The following CACNA2D3 variants were observed in gnomAD, a reference collection of about 807,000 sequenced individuals.
CACNA2D3 encodes voltage-dependent calcium channel subunit alpha-2/delta-3.
In CACNA2D3, 60 loss-of-function variants were observed where a neutral mutation model predicts 160.6. The observed-to-expected ratio is 0.37, with a 90% CI of 0.30 to 0.46. The LOEUF (loss-of-function observed/expected upper bound fraction) is 0.46. Ranked by LOEUF, CACNA2D3 falls within the 20% of genes least tolerant of loss-of-function variation. The pLI is 1.00. For synonymous variants in CACNA2D3, 558 were observed against 492.9 expected (o/e 1.13, Z -1.75); for missense variants, 1,205 against 1,365.0 (o/e 0.88, Z 1.85).
intron 3 of CACNA2D3, among the ~76,000 whole-genome samples, chr3:54,322,254 G>T (rs1399149273): frequency 1.3e-5 from 2 of 152,222 alleles, no homozygotes; most frequent in African/African-American, 2.4e-5. Context: ...CCGAATCTCA[G>T]TTCTGCCCCA....
At chr3:54,540,517 G>T (rs983393541) in intron 5 of CACNA2D3, among the ~76,000 whole-genome samples, 1 of 152,040 alleles carries the variant, frequency 6.6e-6, no homozygotes, top group Non-Finnish European at 1.5e-5. Context: ...GTGGGAAATC[G>T]TCAGACAGGA....
intron 2 of CACNA2D3, among the ~76,000 whole-genome samples, chr3:54,265,616 A>G (rs574407725): frequency 9.8e-5 from 14 of 143,158 alleles, no homozygotes; most frequent in African/African-American, 1.9e-4. Context: ...TATAGTGTGT[A>G]TATATATATA....
At position 54,449,077 on chromosome 3, in the gene CACNA2D3, G is replaced by A. The variant is rs113057632; in HGVS notation, c.382-54415G>A. Among the ~76,000 whole-genome samples, 656 of 152,242 alleles carry A rather than the reference G, an allele frequency of 4.3e-3. 1 individual carries two copies. The highest frequency in any genetic ancestry group is 0.015 in the African/African-American group (619 of 41,546). On this transcript the variant is annotated intron_variant, in intron 4 of 37. Coordinates refer to ENST00000474759, the MANE Select transcript of CACNA2D3 (RefSeq NM_018398.3). ...CAAACTACTTTTTAATGTCATCATTGAACTGTAGTTTTGAATCTCCAGTTC... is the reference window on the plus strand; with the variant it reads ...CAAACTACTTTTTAATGTCATCATTAAACTGTAGTTTTGAATCTCCAGTTC...
chr3:54,406,741 G>A (rs1281033267), intron 4 of CACNA2D3, among the ~76,000 whole-genome samples: 2 of 152,032 alleles, frequency 1.3e-5, no homozygotes, highest in Non-Finnish European at 2.9e-5. Context: ...TTGATCTAAT[G>A]TGCAACATGA....
intron 13 of CACNA2D3, among the ~76,000 whole-genome samples, chr3:54,790,864 G>T (rs1425750869): frequency 6.6e-6 from 1 of 152,090 alleles, no homozygotes; most frequent in Non-Finnish European, 1.5e-5. Flanking sequence ...CTATTGCTAG[G>T]CAGTGTCAGT....
intron 2 of CACNA2D3, among the ~76,000 whole-genome samples, chr3:54,143,751 GGCCTCCCAAAGT>G (rs1315997006): frequency 4.6e-5 from 7 of 152,022 alleles, no homozygotes; most frequent in African/African-American, 1.4e-4. Context: ...CACCTGCCTC[GGCCTCCCAAAGT>G]GCTGGAATTA....
chr3:55,004,887 C>A, intron 32 of CACNA2D3, 49 bp downstream of exon 32: 2 of 1,305,584 alleles, frequency 1.5e-6, no homozygotes, highest in Non-Finnish European at 2.2e-6. Context: ...TTCTGTCTTT[C>A]TCCCTGTCTG....
intron 5 of CACNA2D3, among the ~76,000 whole-genome samples, chr3:54,514,146 G>A (rs563223242): frequency 6.6e-6 from 1 of 152,304 alleles, no homozygotes; most frequent in East Asian, 1.9e-4. Flanking sequence ...TTGCAGCAAA[G>A]AGTCGTTTTA....
intron 5 of CACNA2D3, among the ~76,000 whole-genome samples, chr3:54,523,176 A>T (rs1302994379): frequency 6.6e-6 from 1 of 152,106 alleles, no homozygotes; most frequent in African/African-American, 2.4e-5. Flanking sequence ...TATTATTACT[A>T]TTTTGGAGAT....
At chr3:54,826,222 C>G (rs962712463) in intron 14 of CACNA2D3, among the ~76,000 whole-genome samples, 3 of 152,004 alleles carry the variant, frequency 2.0e-5, no homozygotes, top group African/African-American at 7.3e-5. Context: ...GATATATATC[C>G]ATTACAAACC....
chr3:54,941,606 T>G (rs939748890), intron 27 of CACNA2D3, among the ~76,000 whole-genome samples: 1 of 152,230 alleles, frequency 6.6e-6, no homozygotes, highest in African/African-American at 2.4e-5. Context: ...ATGCCCCATA[T>G]TGTTTTCATT....
chr3:54,739,615 C>T (rs893797057), intron 11 of CACNA2D3, among the ~76,000 whole-genome samples: 1 of 152,008 alleles, frequency 6.6e-6, no homozygotes, highest in Non-Finnish European at 1.5e-5. Flanking sequence ...TTTGCATTTA[C>T]ATGATCCTCC....
chr3:54,124,693 T>A (rs1699552212), intron 2 of CACNA2D3, among the ~76,000 whole-genome samples: 1 of 152,224 alleles, frequency 6.6e-6, no homozygotes, highest in African/African-American at 2.4e-5. Flanking sequence ...CCAAATATCG[T>A]AATAAAGCGT....
intron 13 of CACNA2D3, among the ~76,000 whole-genome samples, chr3:54,770,186 AATG>A (rs1702293990): frequency 6.6e-6 from 1 of 152,182 alleles, no homozygotes; most frequent in Admixed American, 6.5e-5. Context: ...CTATAAAGAG[AATG>A]ATGTCTTCTG....
intron 11 of CACNA2D3, among the ~76,000 whole-genome samples, chr3:54,735,956 A>G (rs1701490117): frequency 1.4e-5 from 2 of 141,812 alleles, no homozygotes; most frequent in South Asian, 2.2e-4. Flanking sequence ...TTTTGCATAT[A>G]TCTTTGCATT....
intron 11 of CACNA2D3, among the ~76,000 whole-genome samples, chr3:54,644,588 G>A (rs1386701748): frequency 6.6e-6 from 1 of 152,180 alleles, no homozygotes; most frequent in Non-Finnish European, 1.5e-5. Flanking sequence ...GTGCCATGTT[G>A]TAATTGACAA....
intron 3 of CACNA2D3, among the ~76,000 whole-genome samples, chr3:54,343,791 G>A (rs953460266): frequency 1.3e-4 from 20 of 152,174 alleles, no homozygotes; most frequent in Admixed American, 1.1e-3. Flanking sequence ...AGCCAGAGTA[G>A]TGATTTCTAA....
intron 9 of CACNA2D3, among the ~76,000 whole-genome samples, chr3:54,594,573 G>A (rs1702918070): frequency 6.6e-6 from 1 of 152,074 alleles, no homozygotes; most frequent in Non-Finnish European, 1.5e-5. Context: ...GATTTGGGGT[G>A]GATCTTTCCT....
At chr3:55,004,988 A>C in intron 32 of CACNA2D3, 150 bp downstream of exon 32, 2 of 594,778 alleles carry the variant, frequency 3.4e-6, no homozygotes, top group South Asian at 4.4e-5. Context: ...AAAAAAAAAC[A>C]CTTCAGGCCG....
Sources: allele counts gnomAD v4.1 joint callset (sites outside exome capture counted in the v4.1 genomes callset), GRCh38; gene constraint gnomAD v4.1.1; transcripts MANE v1.5; gene names NCBI Gene and HGNC (gene_info 2026-07-23, HGNC 2026-07-21).